PPP3R1: variants seen among roughly 807,000 people sequenced by gnomAD.
The protein encoded by PPP3R1 is protein phosphatase 3 regulatory subunit B, alpha.
Under a neutral mutation model 22.6 loss-of-function variants are expected in PPP3R1, and 5 were observed. The ratio of observed to expected loss-of-function variants is 0.22; its 90% CI spans 0.12 to 0.46. PPP3R1 has a LOEUF of 0.46. Among genes scored for constraint, PPP3R1 ranks in the 20% least tolerant of loss-of-function variants. The probability of loss-of-function intolerance (pLI) is 0.99; values close to 1 mark genes in which losing one functional copy is unlikely to be tolerated. For missense variants in PPP3R1, 61 were observed against 203.2 expected (o/e 0.30, Z 4.25); for synonymous variants, 56 against 65.2 (o/e 0.86, Z 0.68).
At chr2:68,240,946 AAT>A (rs1670113109) in intron 1 of PPP3R1, among the ~76,000 whole-genome samples, 1 of 152,264 alleles carries the variant, frequency 6.6e-6, no homozygotes, top group Admixed American at 6.5e-5. Context: ...AGCAACTAGC[AAT>A]AGTAGAAAAG....
At chr2:68,181,392 C>CAA (rs70949678) in intron 5 of PPP3R1, among the ~76,000 whole-genome samples, 60 of 107,492 alleles carry the variant, frequency 5.6e-4, no homozygotes, top group Admixed American at 1.0e-3. Flanking sequence ...GACTCCATCT[C>CAA]AAAAAAAAAA....
At chr2:68,232,652 G>T (rs1669941662) in intron 1 of PPP3R1, among the ~76,000 whole-genome samples, 1 of 151,920 alleles carries the variant, frequency 6.6e-6, no homozygotes, top group Non-Finnish European at 1.5e-5. Context: ...TGTCACCCAG[G>T]CTGGAGTGCA....
chr2:68,244,607 A>G (rs1024516951), intron 1 of PPP3R1, among the ~76,000 whole-genome samples: 1 of 152,090 alleles, frequency 6.6e-6, no homozygotes, highest in African/African-American at 2.4e-5. Flanking sequence ...TAACTTTTCT[A>G]GAGCTCATTC....
chr2:68,203,727 A>T (rs944754037), intron 2 of PPP3R1, among the ~76,000 whole-genome samples: 2 of 152,208 alleles, frequency 1.3e-5, no homozygotes, highest in African/African-American at 4.8e-5. Flanking sequence ...GCAGACATTA[A>T]CAGCAAAGTT....
At chr2:68,182,298 ACTC>A (rs1250696611) in intron 5 of PPP3R1, among the ~76,000 whole-genome samples, 1 of 151,892 alleles carries the variant, frequency 6.6e-6, no homozygotes, top group African/African-American at 2.4e-5. Context: ...GAATTCTACA[ACTC>A]CTGCTGTGGG....
chr2:68,229,782 C>T (rs141325284), intron 1 of PPP3R1, among the ~76,000 whole-genome samples: 1 of 150,424 alleles, frequency 6.6e-6, no homozygotes, highest in South Asian at 2.1e-4. Context: ...TATATTGTTA[C>T]ATTTAAAGTA....
chr2:68,223,030 AAGG>A (rs1377793668), intron 1 of PPP3R1, among the ~76,000 whole-genome samples: 2 of 152,232 alleles, frequency 1.3e-5, no homozygotes, highest in African/African-American at 4.8e-5. Context: ...AGCAGAAAGG[AAGG>A]GTACTGTCCT....
At chr2:68,240,710 C>T (rs1347354997) in intron 1 of PPP3R1, among the ~76,000 whole-genome samples, 1 of 152,136 alleles carries the variant, frequency 6.6e-6, no homozygotes, top group East Asian at 1.9e-4. Flanking sequence ...GTGAATGACA[C>T]AAGGCCAAGT....
chr2:68,245,055 C>T (rs957648580), intron 1 of PPP3R1, among the ~76,000 whole-genome samples: 1 of 152,192 alleles, frequency 6.6e-6, no homozygotes, highest in African/African-American at 2.4e-5. Flanking sequence ...ACTATCCAAT[C>T]AGCTATTACC....
chr2:68,212,051 G>A (rs1426272390), intron 2 of PPP3R1, among the ~76,000 whole-genome samples: 2 of 152,048 alleles, frequency 1.3e-5, no homozygotes, highest in African/African-American at 4.8e-5. Context: ...GTAATTAATG[G>A]CAAATCTATA....
intron 2 of PPP3R1, among the ~76,000 whole-genome samples, chr2:68,189,640 G>A (rs185419320): frequency 1.5e-3 from 225 of 152,228 alleles, no homozygotes; most frequent in Non-Finnish European, 2.6e-3. Context: ...GGCCAATGTG[G>A]GCAGATTACT....
chr2:68,181,129 C>T (rs1025766426), intron 5 of PPP3R1, 119 bp from the exon 6 acceptor site: 12 of 923,480 alleles, frequency 1.3e-5, no homozygotes, highest in Non-Finnish European at 1.7e-5. Flanking sequence ...GTGGCTCACA[C>T]CTGTAATCCC....
intron 2 of PPP3R1, among the ~76,000 whole-genome samples, chr2:68,213,139 C>T (rs956228091): frequency 6.6e-6 from 1 of 152,176 alleles, no homozygotes; most frequent in African/African-American, 2.4e-5. Context: ...TTCGTTTGTT[C>T]ACTGGAGTTA....
intron 1 of PPP3R1, among the ~76,000 whole-genome samples, chr2:68,218,993 C>G (rs1669632977): frequency 6.6e-6 from 1 of 152,168 alleles, no homozygotes; most frequent in South Asian, 2.1e-4. Context: ...AATAACTCGT[C>G]TTGCTCCTAA....
At chr2:68,243,494 T>TA (rs536140513) in intron 1 of PPP3R1, among the ~76,000 whole-genome samples, 1 of 152,150 alleles carries the variant, frequency 6.6e-6, no homozygotes, top group Non-Finnish European at 1.5e-5. Context: ...AAGCTTGAGT[T>TA]AAAAAAGACG....
intron 1 of PPP3R1, among the ~76,000 whole-genome samples, chr2:68,229,461 G>GT: frequency 6.6e-6 from 1 of 152,190 alleles, no homozygotes; most frequent in Admixed American, 6.5e-5. Flanking sequence ...TTCTTGCTTG[G>GT]TTACTCCACC....
chr2:68,192,300 G>C lies in PPP3R1; in HGVS notation c.44-3610C>G, dbSNP rs1674681902. On this transcript the variant is annotated intron_variant, in intron 2 of 5. Coordinates refer to ENST00000234310, the MANE Select transcript of PPP3R1 (RefSeq NM_000945.4). Reference sequence around the variant, plus strand: ...CAACCATAGACTAGGAAAGGTGACAGGGAATTTAAACATAACAGATCACAA... The same window carrying C: ...CAACCATAGACTAGGAAAGGTGACACGGAATTTAAACATAACAGATCACAA... Among the ~76,000 whole-genome samples the C allele has an allele frequency of 2.0e-5, 3 of 152,060 alleles. No homozygotes were observed. In the South Asian group the frequency reaches 6.2e-4, roughly 31 times the overall value.
intron 5 of PPP3R1, among the ~76,000 whole-genome samples, chr2:68,182,750 CAT>C (rs1479964901): frequency 6.7e-6 from 1 of 150,152 alleles, no homozygotes; most frequent in Non-Finnish European, 1.5e-5. Context: ...AAAAAATCAG[CAT>C]TTTTCATTGT....
chr2:68,202,044 G>C (rs1357926740), intron 2 of PPP3R1, among the ~76,000 whole-genome samples: 1 of 151,834 alleles, frequency 6.6e-6, no homozygotes, highest in Non-Finnish European at 1.5e-5. Flanking sequence ...TTATTTCACT[G>C]ATTATTTCCC....
Sources: allele counts gnomAD v4.1 joint callset (sites outside exome capture counted in the v4.1 genomes callset), GRCh38; gene constraint gnomAD v4.1.1; transcripts MANE v1.5; gene names NCBI Gene and HGNC (gene_info 2026-07-23, HGNC 2026-07-21).